The following ZBTB20 variants were observed in gnomAD, a reference collection of about 807,000 sequenced individuals.
ZBTB20 encodes zinc finger and BTB domain containing 20.
A neutral mutation model predicts 56.9 loss-of-function variants in ZBTB20; 9 were observed. The observed-to-expected ratio is 0.16, with a 90% CI of 0.10 to 0.28. The LOEUF (loss-of-function observed/expected upper bound fraction) is 0.28, where lower values mean the gene tolerates loss of function less well. ZBTB20 is among the 10% of genes least tolerant of loss of function. The pLI is 1.00. For missense variants in ZBTB20, 655 were observed against 1,003.0 expected, an observed-to-expected ratio of 0.65 and a Z score of 4.69; for synonymous variants, 417 against 420.7, an observed-to-expected ratio of 0.99 and a Z score of 0.11.
chr3:114,485,986 T>A lies in ZBTB20; in HGVS notation c.-255+14366A>T, dbSNP rs375043710. ...GCATTTATTTGACATTTAAATGTAA[T>A]CCCTCATTTTCTAAGAAGGAATAAG... On this transcript the variant is annotated intron_variant, in intron 7 of 11. Transcript: ENST00000675478. Among the ~76,000 whole-genome samples the A allele has an allele frequency of 6.4e-4, 98 of 152,238 alleles. 1 individual carries two copies. In the East Asian group the frequency reaches 7.7e-3, roughly 12 times the overall value.
Position 114,963,159 on chromosome 3 carries a change from C to T in ZBTB20, c.-456+11207G>A, listed in dbSNP as rs796304231. Among the ~76,000 whole-genome samples, 7 of 151,870 alleles carry T rather than the reference C, an allele frequency of 4.6e-5. No homozygotes were observed. The South Asian group carries it at 1.5e-3, about 32-fold the overall frequency. On this transcript the variant is annotated intron_variant, in intron 3 of 11. Coordinates refer to ENST00000675478, the MANE Select transcript of ZBTB20 (RefSeq NM_001348800.3). Reference sequence around the variant, plus strand: ...AATATAGCCCTTCTTGATGGTAACTCTAATGTGAAAGAGGTAGTAATTAAT... The same window carrying T: ...AATATAGCCCTTCTTGATGGTAACTTTAATGTGAAAGAGGTAGTAATTAAT...
intron 1 of ZBTB20, among the ~76,000 whole-genome samples, chr3:115,137,489 G>C (rs1378942260): frequency 6.6e-6 from 1 of 151,986 alleles, no homozygotes; most frequent in Non-Finnish European, 1.5e-5. Context: ...GAACTGATTT[G>C]AGACTACTAC....
Position 114,321,600 on chromosome 3 carries a change from A to G in ZBTB20, c.*17405T>C, listed in dbSNP as rs2078896960. 6.6e-6 allele frequency: 1 copy of G among 152,252 alleles called. No homozygotes were observed. Among genetic ancestry groups the G allele is most frequent in the Admixed American group, 6.5e-5 (1 of 15,292 alleles). The allele number at this position is 152,252 out of a possible 1,614,324, so 9.4% of individuals were successfully genotyped here. On this transcript the variant is annotated 3_prime_UTR_variant, in exon 12 of 12. Transcript: ENST00000675478. ...AGATGGTTCCATATGGAAACAAAAA[A>G]TAAAGAGAAAGAACTGGTAAGAGTT...
chr3:115,030,560 A>C (rs1307167316), intron 2 of ZBTB20, among the ~76,000 whole-genome samples: 1 of 151,214 alleles, frequency 6.6e-6, no homozygotes, highest in East Asian at 1.9e-4. Flanking sequence ...CTTCTAATTA[A>C]GATTATTCCA....
intron 7 of ZBTB20, among the ~76,000 whole-genome samples, chr3:114,447,068 G>A (rs191639719): frequency 1.3e-5 from 2 of 152,196 alleles, no homozygotes; most frequent in East Asian, 3.9e-4. Context: ...CAAAAATTCT[G>A]TGGCAATTAT....
intron 7 of ZBTB20, among the ~76,000 whole-genome samples, chr3:114,447,494 G>A (rs1236786612): frequency 6.6e-6 from 1 of 152,144 alleles, no homozygotes; most frequent in Non-Finnish European, 1.5e-5. Context: ...CAAACACAGA[G>A]AGAAATTTAG....
chr3:115,143,330 C>T (rs2084871822), intron 1 of ZBTB20, among the ~76,000 whole-genome samples: 1 of 152,064 alleles, frequency 6.6e-6, no homozygotes, highest in Non-Finnish European at 1.5e-5. Flanking sequence ...TTTAATGTCG[C>T]CTATAAACTA....
Position 114,327,762 on chromosome 3 carries a change from G to C in ZBTB20, c.*11243C>G, listed in dbSNP as rs1043662701. 75 of 152,164 alleles carry C rather than the reference G, an allele frequency of 4.9e-4. No homozygotes were observed. The highest frequency in any genetic ancestry group is 1.8e-3 in the African/African-American group (74 of 41,426). The allele number at this position is 152,164 out of a possible 1,614,324, so 9.4% of individuals were successfully genotyped here. ...TCAAAGGGTAAAGCAAGAACTGAAA[G>C]CATACCGCCTATGCACTCAAAACCA... On this transcript the variant is annotated 3_prime_UTR_variant, in exon 12 of 12. Transcript: ENST00000675478.
chr3:114,981,528 T>A (rs1360199185), intron 2 of ZBTB20, among the ~76,000 whole-genome samples: 1 of 152,052 alleles, frequency 6.6e-6, no homozygotes, highest in Non-Finnish European at 1.5e-5. Context: ...CAAAGAGAAA[T>A]CTATTTAATT....
intron 7 of ZBTB20, among the ~76,000 whole-genome samples, chr3:114,400,888 C>T (rs755729990): frequency 1.6e-4 from 24 of 151,994 alleles, no homozygotes; most frequent in Admixed American, 7.9e-4. Flanking sequence ...ATGGCTGTAC[C>T]GAGTCGGCAT....
At chr3:114,765,221 C>T (rs940274504) in intron 5 of ZBTB20, among the ~76,000 whole-genome samples, 2 of 152,078 alleles carry the variant, frequency 1.3e-5, no homozygotes, top group African/African-American at 4.8e-5. Flanking sequence ...TTTAATTGTG[C>T]CCTCCCAAAA....
chr3:115,039,315 C>T (rs959111939), intron 2 of ZBTB20, among the ~76,000 whole-genome samples: 4 of 151,828 alleles, frequency 2.6e-5, no homozygotes, highest in African/African-American at 7.3e-5. Flanking sequence ...GTTGACTATG[C>T]GATTAGGAAA....
chr3:114,755,929 C>G (rs1035532005), intron 5 of ZBTB20, among the ~76,000 whole-genome samples: 1 of 152,160 alleles, frequency 6.6e-6, no homozygotes, highest in Non-Finnish European at 1.5e-5. Flanking sequence ...ACAAGCTTTT[C>G]TCTTTAACTT....
intron 5 of ZBTB20, among the ~76,000 whole-genome samples, chr3:114,769,226 A>G (rs1404057102): frequency 6.6e-6 from 1 of 152,140 alleles, no homozygotes; most frequent in African/African-American, 2.4e-5. Context: ...ATTGTTAATC[A>G]TGCATTTAGT....
At chr3:114,658,051 T>A (rs932480088) in intron 6 of ZBTB20, among the ~76,000 whole-genome samples, 1 of 152,178 alleles carries the variant, frequency 6.6e-6, no homozygotes, top group Non-Finnish European at 1.5e-5. Flanking sequence ...GACAAGACTA[T>A]TTTTTAACCT....
intron 6 of ZBTB20, among the ~76,000 whole-genome samples, chr3:114,516,867 T>TCAA (rs1387768394): frequency 6.6e-6 from 1 of 152,284 alleles, no homozygotes; most frequent in Admixed American, 6.5e-5. Flanking sequence ...CCGACCCTGT[T>TCAA]GATACTTTAA....
intron 7 of ZBTB20, among the ~76,000 whole-genome samples, chr3:114,470,542 C>T (rs982885169): frequency 2.6e-5 from 4 of 152,202 alleles, no homozygotes; most frequent in South Asian, 4.1e-4. Flanking sequence ...TAACAATATA[C>T]CAGAATTTTA....
At chr3:115,027,932 T>A (rs968953979) in intron 2 of ZBTB20, among the ~76,000 whole-genome samples, 35 of 150,860 alleles carry the variant, frequency 2.3e-4, no homozygotes, top group African/African-American at 8.2e-4. Context: ...AATTGATAGA[T>A]AAAATTCTAT....
chr3:114,584,219 A>C (rs999888397), intron 6 of ZBTB20, among the ~76,000 whole-genome samples: 17 of 152,212 alleles, frequency 1.1e-4, no homozygotes, highest in Non-Finnish European at 2.9e-5. Flanking sequence ...AATAGGAAGA[A>C]AGACTTTTTT....
Sources: gnomAD v4.1 joint callset for allele counts (sites outside exome capture counted in the v4.1 genomes callset) on GRCh38, gnomAD v4.1.1 for gene constraint, MANE v1.5 for transcripts, NCBI Gene and HGNC (gene_info 2026-07-23, HGNC 2026-07-21) for gene names.